The following PKP2 variants were observed in gnomAD, a reference collection of about 807,000 sequenced individuals.
PKP2 encodes plakophilin 2, also known as plakophilin-2.
A neutral mutation model predicts 83.4 loss-of-function variants in PKP2; 73 were observed. That is an observed-to-expected ratio of 0.88 (90% CI 0.72 to 1.06). The LOEUF is 1.06. Among genes scored for constraint, PKP2 ranks in the 50% least tolerant of loss-of-function variants. The probability of loss-of-function intolerance (pLI) is 0.00; values close to 1 mark genes in which losing one functional copy is unlikely to be tolerated. For synonymous variants in PKP2, 409 were observed against 430.4 expected (o/e 0.95, Z 0.62); for missense variants, 966 against 1,065.4 (o/e 0.91, Z 1.30).
chr12:32,805,630 T>C (rs944523597), intron 9 of PKP2, among the ~76,000 whole-genome samples: 4 of 152,180 alleles, frequency 2.6e-5, no homozygotes, highest in African/African-American at 7.2e-5. Context: ...GCAGTCTTAA[T>C]TTCTGAGTTC....
At chr12:32,801,645 A>G (rs2137723234) in intron 10 of PKP2, among the ~76,000 whole-genome samples, 1 of 152,358 alleles carries the variant, frequency 6.6e-6, no homozygotes, top group African/African-American at 2.4e-5. Flanking sequence ...TGAAATGTGA[A>G]AAACCGAATT....
At chr12:32,871,457 G>A (rs1298018552) in intron 3 of PKP2, among the ~76,000 whole-genome samples, 1 of 151,720 alleles carries the variant, frequency 6.6e-6, no homozygotes, top group African/African-American at 2.4e-5. Context: ...CACCATACCC[G>A]GCTAATTTTT....
chr12:32,825,136 C>G (rs7303077), intron 6 of PKP2, among the ~76,000 whole-genome samples: 109,009 of 148,772 alleles, frequency 0.73, 41,673 homozygotes, highest in East Asian at 0.87. Flanking sequence ...TAAGAACTGT[C>G]CCTATAAAAT....
At chr12:32,870,947 G>A (rs1301319062) in intron 3 of PKP2, among the ~76,000 whole-genome samples, 8 of 152,038 alleles carry the variant, frequency 5.3e-5, no homozygotes, top group Non-Finnish European at 1.0e-4. Flanking sequence ...AATCCAATGC[G>A]ATTTCACTTT....
chr12:32,884,034 C>G (rs959428827), intron 1 of PKP2, among the ~76,000 whole-genome samples: 2 of 152,138 alleles, frequency 1.3e-5, no homozygotes, highest in Non-Finnish European at 2.9e-5. Context: ...CTCCCTATAC[C>G]TGGAGGAAAG....
intron 6 of PKP2, among the ~76,000 whole-genome samples, chr12:32,828,135 G>A (rs2137796496): frequency 6.6e-6 from 1 of 152,308 alleles, no homozygotes; most frequent in East Asian, 1.9e-4. Flanking sequence ...AATCTCTCTA[G>A]CAATGTGACT....
chr12:32,890,074 CAAAAAAA>C (rs55957473), intron 1 of PKP2, among the ~76,000 whole-genome samples: 1 of 64,006 alleles, frequency 1.6e-5, no homozygotes, highest in East Asian at 5.0e-4. Context: ...GACTCCATCT[CAAAAAAA>C]AAAAAAAAAA....
intron 4 of PKP2, among the ~76,000 whole-genome samples, chr12:32,854,661 AAGAAAT>A (rs1956729297): frequency 2.0e-5 from 3 of 152,186 alleles, no homozygotes. Context: ...AAAAGGAAAA[AAGAAAT>A]AGACTACCAT....
At chr12:32,891,536 C>T (rs531005865) in intron 1 of PKP2, among the ~76,000 whole-genome samples, 1 of 152,184 alleles carries the variant, frequency 6.6e-6, no homozygotes, top group South Asian at 2.1e-4. Context: ...TGTAAAGTTG[C>T]TATCTAAAAC....
At chr12:32,841,318 T>G (rs1592746535) in intron 5 of PKP2, 113 bp from the exon 6 acceptor site, 14 of 791,146 alleles carry the variant, frequency 1.8e-5, no homozygotes, top group Non-Finnish European at 2.4e-5. Flanking sequence ...TAAAAAAATT[T>G]GGGGGGTTGG....
In PKP2 at chr12:32,843,210, T is replaced by C. The variant is rs397516995; in HGVS notation, c.1379-2005A>G. ...GTTGGTCAGGCTGGTCTCGAACTCC[T>C]GACCTCGTGATCCGCCCGCCTTGGC... On this transcript the variant is annotated intron_variant, in intron 5 of 12. Coordinates refer to ENST00000340811, the MANE Select transcript of PKP2 (RefSeq NM_001005242.3). The C allele has an allele frequency of 2.8e-5, 17 of 614,948 alleles. No homozygotes were observed. The African/African-American group carries it at 3.2e-4, about 11-fold the overall frequency. The allele number at this position is 614,948 out of a possible 1,614,324, so 38.1% of individuals were successfully genotyped here.
chr12:32,830,412 T>C (rs1956488189), intron 6 of PKP2, among the ~76,000 whole-genome samples: 1 of 152,240 alleles, frequency 6.6e-6, no homozygotes, highest in Admixed American at 6.5e-5. Flanking sequence ...CAACATTATT[T>C]CCTGAAGGTA....
chr12:32,856,854 C>T (rs1049283375), intron 4 of PKP2, among the ~76,000 whole-genome samples: 2 of 152,176 alleles, frequency 1.3e-5, no homozygotes, highest in Admixed American at 6.5e-5. Flanking sequence ...ACAATTTGCC[C>T]GGAGTTATTG....
At chr12:32,817,447 T>C (rs1241016884) in intron 9 of PKP2, among the ~76,000 whole-genome samples, 1 of 152,364 alleles carries the variant, frequency 6.6e-6, no homozygotes, top group South Asian at 2.1e-4. Context: ...ATTTTTCTAC[T>C]GGGCTGTCCA....
At position 32,841,141 on chromosome 12, in the gene PKP2, A is replaced by G. The variant is rs1478092805; in HGVS notation, c.1443T>C (p.Leu481=). The part of the protein sequence containing the change: ...LKNLMITEAL[L]TLTENIIIPF... ...GGATGATGATATTCTCCGTCAGCGT[A>G]AGCAATGCTTCTGTTATCATGAGAT... The change falls in exon 6 of 13, where the codon CTT becomes CTC. Residue 481 remains leucine (L), a synonymous_variant. Transcript: ENST00000340811. The G allele has an allele frequency of 6.2e-7, 1 of 1,613,196 alleles. No individual in the cohort carries two copies. Among genetic ancestry groups the G allele is most frequent in the Admixed American group, 1.7e-5 (1 of 60,020 alleles).
intron 6 of PKP2, among the ~76,000 whole-genome samples, chr12:32,835,199 GC>G (rs1956534395): frequency 6.6e-6 from 1 of 151,490 alleles, no homozygotes; most frequent in Non-Finnish European, 1.5e-5. Context: ...GATTACAGGT[GC>G]CCGCCACTAC....
intron 4 of PKP2, among the ~76,000 whole-genome samples, chr12:32,868,530 C>CT (rs574963880): frequency 6.8e-5 from 10 of 147,836 alleles, no homozygotes; most frequent in Admixed American, 6.8e-5. Context: ...TTTTTCTTTT[C>CT]TTTTTTTTCT....
chr12:32,890,971 A>G (rs886294939), intron 1 of PKP2, among the ~76,000 whole-genome samples: 2 of 151,810 alleles, frequency 1.3e-5, no homozygotes, highest in African/African-American at 4.8e-5. Flanking sequence ...AAAAAAAAGA[A>G]AAGAAAAGAC....
chr12:32,793,259 T>C (rs930894959), intron 11 of PKP2, among the ~76,000 whole-genome samples: 2 of 151,980 alleles, frequency 1.3e-5, no homozygotes, highest in African/African-American at 4.8e-5. Flanking sequence ...ATAATAATAA[T>C]AAACAAACAA....
Sources: gnomAD v4.1 joint callset for allele counts (sites outside exome capture counted in the v4.1 genomes callset) on GRCh38, gnomAD v4.1.1 for gene constraint, MANE v1.5 for transcripts, NCBI Gene and HGNC (gene_info 2026-07-23, HGNC 2026-07-21) for gene names.